DIP2A: variants seen among roughly 807,000 people sequenced by gnomAD.
DIP2A encodes DIP2 acetate--CoA ligase A, also known as disco-interacting protein 2 homolog A.
A neutral mutation model predicts 177.4 loss-of-function variants in DIP2A; 85 were observed. The ratio of observed to expected loss-of-function variants is 0.48; its 90% confidence interval spans 0.40 to 0.57. The LOEUF (loss-of-function observed/expected upper bound fraction) is 0.57, where lower values mean the gene tolerates loss of function less well. DIP2A is among the 20% of genes least tolerant of loss of function. The probability of loss-of-function intolerance (pLI) is 0.00; values close to 1 mark genes in which losing one functional copy is unlikely to be tolerated. For synonymous variants in DIP2A, 886 were observed against 881.8 expected (o/e 1.00, Z -0.08); for missense variants, 1,791 against 2,100.2 (o/e 0.85, Z 2.88).
chr21:46,514,174 C>T (rs889428044), intron 8 of DIP2A, among the ~76,000 whole-genome samples: 1 of 151,932 alleles, frequency 6.6e-6, no homozygotes, highest in Non-Finnish European at 1.5e-5. Flanking sequence ...GTGGCTCACA[C>T]CTGTAATCCC....
chr21:46,485,121 T>C (rs1195161349), intron 2 of DIP2A, among the ~76,000 whole-genome samples: 1 of 152,218 alleles, frequency 6.6e-6, no homozygotes, highest in Non-Finnish European at 1.5e-5. Context: ...ATTTTTATGA[T>C]TATGAACAAC....
chr21:46,500,030 G>A (rs1273021131), intron 5 of DIP2A, among the ~76,000 whole-genome samples: 1 of 152,164 alleles, frequency 6.6e-6, no homozygotes, highest in Non-Finnish European at 1.5e-5. Flanking sequence ...GTAAGACCTC[G>A]GTCATTTGGC....
intron 35 of DIP2A, among the ~76,000 whole-genome samples, chr21:46,564,297 C>T (rs143769361): frequency 5.4e-4 from 82 of 152,284 alleles, no homozygotes; most frequent in African/African-American, 1.9e-3. Context: ...AGCACAGACA[C>T]GGGGAACTGG....
At chr21:46,510,131 G>A (rs915780647) in intron 7 of DIP2A, among the ~76,000 whole-genome samples, 1 of 152,220 alleles carries the variant, frequency 6.6e-6, no homozygotes, top group African/African-American at 2.4e-5. Flanking sequence ...TAAGCCATCT[G>A]CAAGCTGAGA....
At chr21:46,472,587 G>A (rs530444040) in intron 1 of DIP2A, among the ~76,000 whole-genome samples, 59 of 152,328 alleles carry the variant, frequency 3.9e-4, no homozygotes, top group Non-Finnish European at 6.9e-4. Context: ...TGAAGAGGGT[G>A]GAGAAGGAGG....
At chr21:46,523,505 A>G (rs1471374266) in intron 8 of DIP2A, among the ~76,000 whole-genome samples, 1 of 145,510 alleles carries the variant, frequency 6.9e-6, no homozygotes, top group African/African-American at 2.6e-5. Context: ...TCAGCCACCC[A>G]AAGTGCTGGG....
intron 3 of DIP2A, among the ~76,000 whole-genome samples, chr21:46,494,130 A>G (rs1039423234): frequency 1.3e-5 from 2 of 152,230 alleles, no homozygotes; most frequent in African/African-American, 4.8e-5. Flanking sequence ...CCTTAATAGC[A>G]AATATTCAGC....
intron 2 of DIP2A, among the ~76,000 whole-genome samples, chr21:46,487,923 C>G (rs2056787040): frequency 6.6e-6 from 1 of 152,166 alleles, no homozygotes; most frequent in Non-Finnish European, 1.5e-5. Context: ...AGTCTGAATA[C>G]CAGGCCTGAG....
At chr21:46,513,564 C>T (rs944086038) in intron 8 of DIP2A, among the ~76,000 whole-genome samples, 1 of 152,086 alleles carries the variant, frequency 6.6e-6, no homozygotes, top group Admixed American at 6.5e-5. Context: ...TTTGTATTTC[C>T]AAGTAAACTT....
At chr21:46,495,720 G>C (rs978593132) in intron 3 of DIP2A, among the ~76,000 whole-genome samples, 1 of 152,112 alleles carries the variant, frequency 6.6e-6, no homozygotes. Flanking sequence ...TGATCCTCCA[G>C]CTTCAGCTTC....
chr21:46,476,670 T>G (rs76594182), intron 1 of DIP2A, among the ~76,000 whole-genome samples: 1 of 135,876 alleles, frequency 7.4e-6, no homozygotes, highest in South Asian at 2.4e-4. Flanking sequence ...TTTTTTTTTT[T>G]GGAGACAGAG....
intron 8 of DIP2A, among the ~76,000 whole-genome samples, chr21:46,519,508 A>G (rs1601636276): frequency 1.3e-5 from 2 of 152,342 alleles, no homozygotes; most frequent in East Asian, 3.8e-4. Flanking sequence ...CTTCAGGCTG[A>G]ACAGGAGTGA....
chr21:46,558,438 G>T, intron 32 of DIP2A, 45 bp downstream of exon 32: 1 of 1,540,012 alleles, frequency 6.5e-7, no homozygotes, highest in African/African-American at 1.4e-5. Flanking sequence ...GCTGTTGGCA[G>T]CATGGAGACC....
At chr21:46,576,118 G>A in the DIP2A span, among the ~76,000 whole-genome samples, 21 of 152,224 alleles carry the variant, frequency 1.4e-4, no homozygotes, top group African/African-American at 5.1e-4. Context: ...AGTGACCCCC[G>A]ATGGCAATTT....
chr21:46,559,553 G>A (rs1001580037), intron 32 of DIP2A, among the ~76,000 whole-genome samples: 9 of 152,220 alleles, frequency 5.9e-5, no homozygotes, highest in Non-Finnish European at 1.3e-4. Flanking sequence ...TTGTGAGCTC[G>A]CTTCCTGTGT....
At chr21:46,504,072 G>A (rs2057847038) in intron 5 of DIP2A, among the ~76,000 whole-genome samples, 1 of 152,194 alleles carries the variant, frequency 6.6e-6, no homozygotes, top group Admixed American at 6.5e-5. Context: ...ATTGTGACAG[G>A]CAGGTTTACT....
At chr21:46,505,689 T>C (rs1294598382) in intron 6 of DIP2A, among the ~76,000 whole-genome samples, 2 of 152,180 alleles carry the variant, frequency 1.3e-5, no homozygotes, top group African/African-American at 4.8e-5. Flanking sequence ...CGCCCAAAAG[T>C]GTCCTTGTGT....
the DIP2A span, among the ~76,000 whole-genome samples, chr21:46,583,654 C>A: frequency 2.6e-5 from 4 of 152,154 alleles, no homozygotes; most frequent in African/African-American, 9.7e-5. Context: ...GTTATGTGCT[C>A]ATTAATGGGT....
At chr21:46,528,052 G>T (rs2059179486) in intron 8 of DIP2A, among the ~76,000 whole-genome samples, 1 of 152,108 alleles carries the variant, frequency 6.6e-6, no homozygotes, top group African/African-American at 2.4e-5. Flanking sequence ...GACCTCAGGG[G>T]ATAAGAGCTG....
Sources: gnomAD v4.1 joint callset for allele counts (sites outside exome capture counted in the v4.1 genomes callset) on GRCh38, gnomAD v4.1.1 for gene constraint, MANE v1.5 for transcripts, NCBI Gene and HGNC (gene_info 2026-07-23, HGNC 2026-07-21) for gene names.